Variants in TMPRSS15 observed in about 807,000 individuals in gnomAD.
TMPRSS15 encodes the protein enteropeptidase.
A neutral mutation model predicts 125.3 loss-of-function variants in TMPRSS15; 128 were observed. That is an observed-to-expected ratio of 1.02 (90% CI 0.89 to 1.18). The LOEUF (loss-of-function observed/expected upper bound fraction) is 1.18, where lower values mean the gene tolerates loss of function less well. Among genes scored for constraint, TMPRSS15 ranks in the 50% most tolerant of loss-of-function variants. The probability of loss-of-function intolerance (pLI) is 0.00; values close to 1 mark genes in which losing one functional copy is unlikely to be tolerated. For missense variants in TMPRSS15, 1,283 were observed against 1,212.7 expected (o/e 1.06, Z -0.86); for synonymous variants, 446 against 423.2 (o/e 1.05, Z -0.66).
At chr21:18,417,971 CA>C (rs1174656885) in intron 1 of TMPRSS15, among the ~76,000 whole-genome samples, 1 of 152,050 alleles carries the variant, frequency 6.6e-6, no homozygotes, top group Non-Finnish European at 1.5e-5. Context: ...GGAATTTGTT[CA>C]AAAAAATGTA....
intron 16 of TMPRSS15, among the ~76,000 whole-genome samples, chr21:18,321,044 T>G (rs1569006297): frequency 6.6e-6 from 1 of 152,160 alleles, no homozygotes; most frequent in Non-Finnish European, 1.5e-5. Flanking sequence ...TGGGGAGGGC[T>G]CAAACCCCCT....
intron 22 of TMPRSS15, among the ~76,000 whole-genome samples, chr21:18,280,586 A>ACAAAC (rs1568979209): frequency 6.7e-6 from 1 of 148,976 alleles, no homozygotes; most frequent in African/African-American, 2.6e-5. Flanking sequence ...AAAAAAAAAA[A>ACAAAC]AAAAAAAAAC....
At chr21:18,279,949 C>T (rs189683873) in intron 22 of TMPRSS15, among the ~76,000 whole-genome samples, 4 of 152,290 alleles carry the variant, frequency 2.6e-5, no homozygotes, top group South Asian at 2.1e-4. Context: ...CACCCTTAAG[C>T]ACCCACTGCA....
At chr21:18,368,153 A>G (rs546941208) in intron 6 of TMPRSS15, among the ~76,000 whole-genome samples, 1 of 152,306 alleles carries the variant, frequency 6.6e-6, no homozygotes, top group African/African-American at 2.4e-5. Flanking sequence ...CATCTGTAAA[A>G]ACCTGTTTGT....
At chr21:18,457,107 A>G (rs761151765) in intron 1 of TMPRSS15, among the ~76,000 whole-genome samples, 2 of 152,078 alleles carry the variant, frequency 1.3e-5, no homozygotes, top group Non-Finnish European at 2.9e-5. Flanking sequence ...TCAATTTCCT[A>G]TTGTGAAATG....
intron 1 of TMPRSS15, among the ~76,000 whole-genome samples, chr21:18,467,194 G>A (rs1040565064): frequency 6.6e-6 from 1 of 152,058 alleles, no homozygotes; most frequent in African/African-American, 2.4e-5. Context: ...TCACTCATAA[G>A]TGGGAGCTGA....
chr21:18,394,139 T>G (rs187711179), intron 3 of TMPRSS15, among the ~76,000 whole-genome samples: 10 of 152,312 alleles, frequency 6.6e-5, no homozygotes, highest in Admixed American at 6.5e-4. Context: ...TTTTTAGTGA[T>G]TCTACCCTCC....
intron 1 of TMPRSS15, among the ~76,000 whole-genome samples, chr21:18,444,537 G>A (rs961580223): frequency 3.3e-5 from 5 of 152,130 alleles, no homozygotes; most frequent in Non-Finnish European, 5.9e-5. Context: ...TAATGTAGAT[G>A]ACGGGTTGAT....
chr21:18,424,031 G>A (rs952085538), intron 1 of TMPRSS15, among the ~76,000 whole-genome samples: 6 of 151,994 alleles, frequency 3.9e-5, no homozygotes, highest in African/African-American at 1.5e-4. Flanking sequence ...GTTTCAGCCT[G>A]GCATCAATAA....
Position 18,294,456 on chromosome 21 carries a change from A to C in TMPRSS15, c.2312-12T>G. Reference sequence around the variant, plus strand: ...TTTTTTTCCACAAGCTATTAAAATAATTGGAGAAAGAGCATCTATTTCATT... The same window carrying C: ...TTTTTTTCCACAAGCTATTAAAATACTTGGAGAAAGAGCATCTATTTCATT... On this transcript the variant is annotated splice_polypyrimidine_tract_variant and intron_variant, in intron 20 of 24. Transcript: ENST00000284885. The C allele has an allele frequency of 2.5e-6, 4 of 1,614,208 alleles. No individual in the cohort carries two copies. Among genetic ancestry groups the C allele is most frequent in the Non-Finnish European group, 3.4e-6 (4 of 1,180,014 alleles).
chr21:18,371,973 T>A (rs924182267), intron 6 of TMPRSS15, among the ~76,000 whole-genome samples: 1 of 152,022 alleles, frequency 6.6e-6, no homozygotes, highest in African/African-American at 2.4e-5. Context: ...TTAATTAATA[T>A]CTTTAATATT....
At chr21:18,287,114 G>A (rs1011271742) in intron 21 of TMPRSS15, among the ~76,000 whole-genome samples, 1 of 152,136 alleles carries the variant, frequency 6.6e-6, no homozygotes. Context: ...TTATTTAAAT[G>A]TTTTTCAGCC....
At chr21:18,446,170 G>A (rs1311804630) in intron 1 of TMPRSS15, among the ~76,000 whole-genome samples, 3 of 151,840 alleles carry the variant, frequency 2.0e-5, no homozygotes, top group Non-Finnish European at 4.4e-5. Flanking sequence ...AGCAGCAAAC[G>A]ATCTGAAAAA....
At chr21:18,356,387 G>A (rs748494040) in intron 8 of TMPRSS15, among the ~76,000 whole-genome samples, 3 of 151,708 alleles carry the variant, frequency 2.0e-5, no homozygotes, top group South Asian at 2.1e-4. Context: ...TATTCAACAC[G>A]TCTTAGTGAG....
intron 5 of TMPRSS15, among the ~76,000 whole-genome samples, chr21:18,374,102 T>G (rs1329189202): frequency 2.6e-5 from 4 of 152,178 alleles, no homozygotes; most frequent in African/African-American, 9.7e-5. Context: ...AATGGTCATA[T>G]TTCAATTAGT....
chr21:18,437,629 G>GA (rs1008274436), intron 1 of TMPRSS15, among the ~76,000 whole-genome samples: 1 of 151,920 alleles, frequency 6.6e-6, no homozygotes. Context: ...AAATTTACAA[G>GA]AAAAAAACAA....
rs910408772 is a variant in TMPRSS15 at position 18,380,256 on chromosome 21, AAC to A, written c.497-940_497-939del. 2.4e-4 allele frequency among the ~76,000 whole-genome samples: 37 copies of A among 151,426 alleles called. No individual in the cohort carries two copies. The South Asian group carries it at 2.5e-3, about 10-fold the overall frequency. ...ACACACTCATATATCTCTCATATGT[AAC>A]ACACACACACTCATATATCTCTCAT... On this transcript the variant is annotated intron_variant, in intron 4 of 24. Transcript: ENST00000284885.
chr21:18,285,503 G>A (rs2074751872), intron 21 of TMPRSS15, among the ~76,000 whole-genome samples: 1 of 152,188 alleles, frequency 6.6e-6, no homozygotes, highest in Non-Finnish European at 1.5e-5. Flanking sequence ...CAACACTGAT[G>A]TTTACACCCA....
At chr21:18,414,581 C>T (rs7276258) in intron 1 of TMPRSS15, among the ~76,000 whole-genome samples, 9,374 of 152,176 alleles carry the variant, frequency 0.062, 487 homozygotes, top group African/African-American at 0.13. Flanking sequence ...ATTGTAGATA[C>T]CTCATATAAT....
Sources: gnomAD v4.1 joint callset for allele counts (sites outside exome capture counted in the v4.1 genomes callset) on GRCh38, gnomAD v4.1.1 for gene constraint, MANE v1.5 for transcripts, NCBI Gene and HGNC (gene_info 2026-07-23, HGNC 2026-07-21) for gene names.